The following HERC2 variants were observed in gnomAD, a reference collection of about 807,000 sequenced individuals.
The protein encoded by HERC2 is HECT and RLD domain containing E3 ubiquitin protein ligase 2.
HERC2 carries 102 observed loss-of-function variants against 537.7 expected under a neutral mutation model. That is an observed-to-expected ratio of 0.19 (90% CI 0.16 to 0.22). HERC2 has a LOEUF of 0.22. HERC2 is among the 10% of genes least tolerant of loss of function. The pLI is 1.00. For synonymous variants in HERC2, 2,224 were observed against 2,466.2 expected, an observed-to-expected ratio of 0.90 and a Z score of 2.91; for missense variants, 4,236 against 6,198.2, an observed-to-expected ratio of 0.68 and a Z score of 10.63.
chr15:28,111,759 C>T lies in HERC2; in HGVS notation c.*4G>A. 4.3e-6 allele frequency: 7 copies of T among 1,612,020 alleles called. No homozygotes were observed. The highest frequency in any genetic ancestry group is 5.9e-6 in the Non-Finnish European group (7 of 1,178,066). ...CTCTCATCTCACGAGGACGTTTCCCCATCTTAGTGTCCTGTTAAATAATCT... is the reference window on the plus strand; with the variant it reads ...CTCTCATCTCACGAGGACGTTTCCCTATCTTAGTGTCCTGTTAAATAATCT... On this transcript the variant is annotated 3_prime_UTR_variant, in exon 93 of 93. Transcript: ENST00000261609.
At chr15:28,214,324 A>G in intron 40 of HERC2, 52 bp from the exon 41 acceptor site, 1 of 1,485,808 alleles carries the variant, frequency 6.7e-7, no homozygotes, top group Non-Finnish European at 9.4e-7. Context: ...ACCAGGGCAC[A>G]GGGAAAGGAG....
chr15:28,276,147 C>A (rs12906631), intron 5 of HERC2, among the ~76,000 whole-genome samples: 1 of 136,722 alleles, frequency 7.3e-6, no homozygotes, highest in Non-Finnish European at 1.5e-5. Flanking sequence ...GATCGCACCT[C>A]TGCACTCCAG....
chr15:28,156,723 T>C (rs1893051189), intron 69 of HERC2, among the ~76,000 whole-genome samples: 1 of 152,264 alleles, frequency 6.6e-6, no homozygotes, highest in South Asian at 2.1e-4. Context: ...TTCCTCTTGT[T>C]CTAATTGAAT....
At chr15:28,116,222 CTT>C (rs11365574) in intron 88 of HERC2, among the ~76,000 whole-genome samples, 299 of 126,448 alleles carry the variant, frequency 2.4e-3, no homozygotes, top group Middle Eastern at 4.0e-3. Context: ...TTTTCTTTTT[CTT>C]TTTTTTTTTT....
Position 28,254,467 on chromosome 15 carries a change from C to G in HERC2, c.2923G>C (p.Glu975Gln). 6.2e-7 allele frequency: 1 copy of G among 1,602,468 alleles called. No homozygotes were observed. Among genetic ancestry groups the G allele is most frequent in the South Asian group, 1.1e-5 (1 of 88,138 alleles). Residue 975 changes from glutamate to glutamine, a missense_variant, in exon 20 of 93, where the codon GAA (glutamate) becomes CAA (glutamine). Glu to Gln is a conservative substitution (Grantham distance 29). Transcript: ENST00000261609. ...AQKEKEIDEQEANASTFHRSR... is the reference protein window; with the variant it reads ...AQKEKEIDEQQANASTFHRSR... Reference sequence around the variant, plus strand: ...CTATGAAATGTTGAGGCATTCGCTTCCTGTTCATCAATTTCTTTTTCCTTC... The same window carrying G: ...CTATGAAATGTTGAGGCATTCGCTTGCTGTTCATCAATTTCTTTTTCCTTC...
At chr15:28,164,288 T>C (rs568271457) in intron 68 of HERC2, among the ~76,000 whole-genome samples, 1 of 152,276 alleles carries the variant, frequency 6.6e-6, no homozygotes, top group Non-Finnish European at 1.5e-5. Flanking sequence ...GCCCCACATG[T>C]TCCCCTTAAG....
intron 70 of HERC2, among the ~76,000 whole-genome samples, chr15:28,151,032 A>G (rs1411229150): frequency 2.6e-5 from 4 of 152,210 alleles, no homozygotes; most frequent in Non-Finnish European, 5.9e-5. Flanking sequence ...TGTAACAGCT[A>G]TTATGCTCTT....
rs767655933 is a variant in HERC2 at position 28,124,166 on chromosome 15, C to G, written c.13059G>C (p.Leu4353=). 2.0e-5 allele frequency: 31 copies of G among 1,574,966 alleles called. 1 individual carries two copies. The highest frequency in any genetic ancestry group is 2.7e-5 in the Non-Finnish European group (31 of 1,159,930). The part of the protein sequence containing the change: ...IIALRNRLLL[L]HHLSELFCPC... The stretch of plus-strand genomic sequence containing the variant: ...GGCAGAAGAGCTCGGAGAGGTGGTG[C>G]AGCAGCAGCAGACGGTTCCTCAGCG... Residue 4353 remains leucine (L), a synonymous_variant, in exon 85 of 93, where the codon CTG becomes CTC. Transcript: ENST00000261609.
At chr15:28,215,015 C>A (rs1194880146) in intron 39 of HERC2, among the ~76,000 whole-genome samples, 3 of 152,132 alleles carry the variant, frequency 2.0e-5, no homozygotes, top group Non-Finnish European at 2.9e-5. Context: ...GCAGGGATTA[C>A]AGGCACCCAC....
At chr15:28,141,689 A>T (rs749423546) in intron 77 of HERC2, 42 bp downstream of exon 77, 2 of 1,610,712 alleles carry the variant, frequency 1.2e-6, no homozygotes, top group East Asian at 2.2e-5. Flanking sequence ...ACAGCCTCTC[A>T]CACTCACGAT....
intron 78 of HERC2, among the ~76,000 whole-genome samples, chr15:28,137,362 G>A (rs547672770): frequency 5.0e-4 from 76 of 152,214 alleles, no homozygotes; most frequent in South Asian, 2.1e-3. Flanking sequence ...ACTGTGCCTT[G>A]CTTTACTGTA....
chr15:28,112,241 G>A (rs1322961644), intron 92 of HERC2, among the ~76,000 whole-genome samples: 1 of 152,202 alleles, frequency 6.6e-6, no homozygotes, highest in Non-Finnish European at 1.5e-5. Flanking sequence ...CTATGGAGAT[G>A]ATGGCTCTCT....
intron 9 of HERC2, among the ~76,000 whole-genome samples, chr15:28,271,163 A>T (rs1193358599): frequency 6.6e-6 from 1 of 152,214 alleles, no homozygotes; most frequent in Non-Finnish European, 1.5e-5. Context: ...ACCACCCTAC[A>T]GGCCTAGGAC....
At position 28,202,469 on chromosome 15, in the gene HERC2, T is replaced by C; in HGVS notation, c.7358A>G (p.Gln2453Arg). Residue 2453 changes from glutamine to arginine, a missense_variant, in exon 46 of 93, where the codon CAG becomes CGG. Around this residue, in one of 27 missense-constraint regions of HERC2, gnomAD observed 35 missense variants for 68.7 expected, o/e 0.51. Coordinates refer to ENST00000261609, the MANE Select transcript of HERC2 (RefSeq NM_004667.6). Reference sequence around the variant, plus strand: ...GATCGGCAGAGCGGGAACGGGCGACTGCTTGCGCCTCTTCACTCTGGCAGG... The same window carrying C: ...GATCGGCAGAGCGGGAACGGGCGACCGCTTGCGCCTCTTCACTCTGGCAGG... ...IRPARVKRRK[Q>R]SPVPALPIVV... is the part of the protein sequence containing the mutation. 1 of 1,494,940 alleles carries C rather than the reference T, an allele frequency of 6.7e-7. No individual in the cohort carries two copies. The highest frequency in any genetic ancestry group is 9.2e-7 in the Non-Finnish European group (1 of 1,081,114). The allele number at this position is 1,494,940 out of a possible 1,614,324, so 92.6% of individuals were successfully genotyped here.
chr15:28,238,525 C>A, intron 24 of HERC2, 77 bp downstream of exon 24: 1 of 1,239,756 alleles, frequency 8.1e-7, no homozygotes, highest in South Asian at 1.4e-5. Flanking sequence ...CTAAAGAAAT[C>A]ATTTATAAGC....
At chr15:28,194,700 A>T (rs1437539744) in intron 52 of HERC2, among the ~76,000 whole-genome samples, 2 of 152,186 alleles carry the variant, frequency 1.3e-5, no homozygotes, top group Non-Finnish European at 2.9e-5. Context: ...TTTTATGAAC[A>T]TTTTCTGTGT....
At chr15:28,298,036 T>TGTGAGA (rs1555455880) in intron 3 of HERC2, among the ~76,000 whole-genome samples, 1 of 131,570 alleles carries the variant, frequency 7.6e-6, no homozygotes, top group Non-Finnish European at 1.7e-5. Context: ...TGTGTGTGTG[T>TGTGAGA]GTGAATATTT....
At chr15:28,129,054 C>T (rs1889816097) in intron 83 of HERC2, among the ~76,000 whole-genome samples, 1 of 152,198 alleles carries the variant, frequency 6.6e-6, no homozygotes, top group Non-Finnish European at 1.5e-5. Context: ...CTAAATAATC[C>T]AGAATAATCT....
At chr15:28,183,921 C>T (rs1896057246) in intron 56 of HERC2, among the ~76,000 whole-genome samples, 1 of 152,152 alleles carries the variant, frequency 6.6e-6, no homozygotes, top group Non-Finnish European at 1.5e-5. Flanking sequence ...GGCACAGTAG[C>T]TCACACCTGT....
Sources: allele counts gnomAD v4.1 joint callset (sites outside exome capture counted in the v4.1 genomes callset), GRCh38; gene constraint gnomAD v4.1.1; regional missense constraint gnomAD v4.1.1; transcripts MANE v1.5; gene names NCBI Gene and HGNC (gene_info 2026-07-23, HGNC 2026-07-21).